The following TSPEAR variants were observed in gnomAD, a reference collection of about 807,000 sequenced individuals.
The protein encoded by TSPEAR is thrombospondin type laminin G domain and EAR repeats.
TSPEAR carries 69 observed loss-of-function variants against 71.6 expected under a neutral mutation model. The ratio of observed to expected loss-of-function variants is 0.96; its 90% CI spans 0.79 to 1.18. The LOEUF is 1.18. Ranked by LOEUF, TSPEAR falls within the 50% of genes most tolerant of loss-of-function variation. TSPEAR has a pLI of 0.00. For synonymous variants in TSPEAR, 402 were observed against 387.2 expected, an observed-to-expected ratio of 1.04 and a Z score of -0.45; for missense variants, 971 against 894.9, an observed-to-expected ratio of 1.09 and a Z score of -1.09.
Position 44,579,720 on chromosome 21 carries a change from G to C in TSPEAR, c.83-11715C>G. 1.9e-6 allele frequency: 3 copies of C among 1,585,282 alleles called. No homozygotes were observed. In the South Asian group the frequency reaches 3.5e-5, roughly 18 times the overall value. ...GAGTCAGGACCAGTTGGCCCTGGGG[G>C]ATGTGCACATCAGCAACTGGACTCC... On this transcript the variant is annotated intron_variant, in intron 1 of 11. Transcript: ENST00000323084.
Position 44,527,219 on chromosome 21 carries a change from AG to A in TSPEAR, c.1149+72del, listed in dbSNP as rs2052874563. On this transcript the variant is annotated intron_variant, in intron 7 of 11. Coordinates refer to ENST00000323084, the MANE Select transcript of TSPEAR (RefSeq NM_144991.3). Reference sequence around the variant, plus strand: ...ACTCCTTTACCTGCAGAATCAGTGTAGGGGGCCCCGCCTGTGGACTCGGGGC... The same window carrying A: ...ACTCCTTTACCTGCAGAATCAGTGTAGGGGCCCCGCCTGTGGACTCGGGGC... The A allele has an allele frequency of 4.7e-6, 7 of 1,474,496 alleles. No individual in the cohort carries two copies. In the South Asian group the frequency reaches 8.1e-5, roughly 17 times the overall value. 91.3% of individuals were successfully genotyped at this position (1,474,496 alleles called of 1,614,324 possible).
At chr21:44,664,488 A>G (rs1985650424) in intron 1 of TSPEAR, among the ~76,000 whole-genome samples, 1 of 152,314 alleles carries the variant, frequency 6.6e-6, no homozygotes, top group Admixed American at 6.5e-5. Context: ...CTCTCCCCAA[A>G]TTGATCTATA....
chr21:44,650,005 C>T lies in TSPEAR; in HGVS notation c.82+61428G>A, dbSNP rs957739824. 3.3e-5 allele frequency among the ~76,000 whole-genome samples: 5 copies of T among 152,254 alleles called. No homozygotes were observed. In the South Asian group the frequency reaches 1.0e-3, roughly 32 times the overall value. ...GGGAGGCCGAGGAGGGAGGACCACT[C>T]GAGCCCAGGAGTTCGAGAGCAGCCC... On this transcript the variant is annotated intron_variant, in intron 1 of 11. Coordinates refer to ENST00000323084, the MANE Select transcript of TSPEAR (RefSeq NM_144991.3).
intron 1 of TSPEAR, among the ~76,000 whole-genome samples, chr21:44,651,540 C>T (rs587641905): frequency 3.3e-5 from 5 of 152,220 alleles, no homozygotes; most frequent in Admixed American, 6.5e-5. Flanking sequence ...GGAAATGGCT[C>T]GAGCCCTTGG....
intron 11 of TSPEAR, among the ~76,000 whole-genome samples, chr21:44,502,649 G>A (rs751929672): frequency 6.6e-6 from 1 of 152,282 alleles, no homozygotes; most frequent in African/African-American, 2.4e-5. Context: ...ACCAGCACTC[G>A]TGGGTTGTGG....
chr21:44,522,648 G>C (rs587609147), intron 8 of TSPEAR, among the ~76,000 whole-genome samples: 1 of 152,244 alleles, frequency 6.6e-6, no homozygotes, highest in Non-Finnish European at 1.5e-5. Context: ...ACAATGGCAG[G>C]TACTCATGGT....
At chr21:44,601,320 C>T (rs1555928707) in intron 1 of TSPEAR, 1 of 1,611,980 alleles carries the variant, frequency 6.2e-7, no homozygotes, top group Non-Finnish European at 8.5e-7. Flanking sequence ...TGCCTGTCTG[C>T]TGCAAGCCCG....
intron 1 of TSPEAR, among the ~76,000 whole-genome samples, chr21:44,579,073 G>A (rs1207933450): frequency 3.3e-5 from 5 of 152,196 alleles, no homozygotes; most frequent in African/African-American, 7.2e-5. Context: ...CAGAACTCTC[G>A]GGCGGGCGGC....
At chr21:44,601,121 G>A (rs782340038) in intron 1 of TSPEAR, 4 of 1,579,384 alleles carry the variant, frequency 2.5e-6, no homozygotes, top group Non-Finnish European at 3.4e-6. Flanking sequence ...GTCTGCTCTG[G>A]GATTTCCTCT....
At chr21:44,509,575 G>A (rs922438508) in intron 9 of TSPEAR, among the ~76,000 whole-genome samples, 189 bp from the exon 10 acceptor site, 1 of 151,374 alleles carries the variant, frequency 6.6e-6, no homozygotes, top group African/African-American at 2.4e-5. Context: ...AGAGGTGTGG[G>A]AGAGCGGGCG....
rs1555918500 is a variant in TSPEAR, at chr21:44,550,731, G to A, written c.304-16808C>T. 3 of 1,614,060 alleles carry A rather than the reference G, an allele frequency of 1.9e-6. No individual in the cohort carries two copies. In the South Asian group the frequency reaches 3.3e-5, roughly 18 times the overall value. ...TTGGCCTGAGGAAAAGCTGCAGGAGGCTGGGCGGGAGCACACGGGGCGGCA... is the reference window on the plus strand; with the variant it reads ...TTGGCCTGAGGAAAAGCTGCAGGAGACTGGGCGGGAGCACACGGGGCGGCA... On this transcript the variant is annotated intron_variant, in intron 2 of 11. Coordinates refer to ENST00000323084, the MANE Select transcript of TSPEAR (RefSeq NM_144991.3).
intron 1 of TSPEAR, among the ~76,000 whole-genome samples, chr21:44,621,561 G>A (rs1197517565): frequency 7.9e-5 from 12 of 152,136 alleles, no homozygotes; most frequent in Non-Finnish European, 1.3e-4. Flanking sequence ...TAACATCCAC[G>A]TGGCCCCCTG....
In TSPEAR at chr21:44,642,545, C is replaced by T. The variant is rs1555938724; in HGVS notation, c.82+68888G>A. Among the ~76,000 whole-genome samples, 1 of 152,174 alleles carries T rather than the reference C, an allele frequency of 6.6e-6. No individual in the cohort carries two copies. Among genetic ancestry groups the T allele is most frequent in the East Asian group, 1.9e-4 (1 of 5,198 alleles). Reference sequence around the variant, plus strand: ...TATGGGAAATAGTACGGAAGTTCCTCAAAAAATTAAAAATGGGGCCGGGCG... The same window carrying T: ...TATGGGAAATAGTACGGAAGTTCCTTAAAAAATTAAAAATGGGGCCGGGCG... On this transcript the variant is annotated intron_variant, in intron 1 of 11. Transcript: ENST00000323084. This position sits in a 1 kb window ranked among gnomAD's most constrained non-coding sequence, Gnocchi z 4.1.
Position 44,628,015 on chromosome 21 carries a change from T to C in TSPEAR, c.83-60010A>G, listed in dbSNP as rs201074217. On this transcript the variant is annotated intron_variant, in intron 1 of 11. Transcript: ENST00000323084. ...CCCTGTGTGCTCCCGCCCGGCCTGC[T>C]ACAGCTTCTCCTCAGGCCAGAAGTC... 4.1e-5 allele frequency: 66 copies of C among 1,612,970 alleles called. No individual in the cohort carries two copies. The highest frequency in any genetic ancestry group is 5.5e-5 in the Non-Finnish European group (65 of 1,179,412).
intron 1 of TSPEAR, among the ~76,000 whole-genome samples, chr21:44,663,285 A>G (rs587671718): frequency 2.0e-5 from 3 of 152,236 alleles, no homozygotes; most frequent in African/African-American, 7.2e-5. Flanking sequence ...ACATCATTAC[A>G]AATCTTACAA....
chr21:44,500,302 C>T (rs1276321834), intron 11 of TSPEAR, among the ~76,000 whole-genome samples: 2 of 152,324 alleles, frequency 1.3e-5, no homozygotes, highest in African/African-American at 4.8e-5. Context: ...CAGGCCACCA[C>T]GCAGGCTGGA....
chr21:44,650,310 C>T (rs1984700156), intron 1 of TSPEAR, among the ~76,000 whole-genome samples: 2 of 152,160 alleles, frequency 1.3e-5, no homozygotes, highest in Admixed American at 6.5e-5. Flanking sequence ...CAGATGTAGT[C>T]AAGTTGAAGT....
chr21:44,634,717 C>T (rs141809483), intron 1 of TSPEAR, among the ~76,000 whole-genome samples: 7 of 152,192 alleles, frequency 4.6e-5, no homozygotes, highest in South Asian at 2.1e-4. Flanking sequence ...GGATGATACA[C>T]GCAGGAAAAG....
intron 1 of TSPEAR, chr21:44,666,490 C>T (rs12481809): frequency 0.2 from 322,725 of 1,607,736 alleles, 33,545 homozygotes; most frequent in Non-Finnish European, 0.21. Flanking sequence ...CTGCAGAGGA[C>T]GCTGGTGCAG....
Sources: allele counts gnomAD v4.1 joint callset (sites outside exome capture counted in the v4.1 genomes callset), GRCh38; gene constraint gnomAD v4.1.1; non-coding constraint Gnocchi (gnomAD v3.1); transcripts MANE v1.5; gene names NCBI Gene and HGNC (gene_info 2026-07-23, HGNC 2026-07-21).